Variants in THRB observed in about 807,000 individuals in gnomAD.
THRB encodes nuclear receptor subfamily 1 group A member 2.
THRB carries 12 observed loss-of-function variants against 47.8 expected under a neutral mutation model. The ratio of observed to expected loss-of-function variants is 0.25; its 90% confidence interval spans 0.16 to 0.41. THRB has a LOEUF of 0.41. Ranked by LOEUF, THRB falls within the 10% of genes least tolerant of loss-of-function variation. The probability of loss-of-function intolerance (pLI) is 1.00; values close to 1 mark genes in which losing one functional copy is unlikely to be tolerated. For missense variants in THRB, 348 were observed against 589.2 expected, an observed-to-expected ratio of 0.59 and a Z score of 4.24; for synonymous variants, 218 against 212.2, an observed-to-expected ratio of 1.03 and a Z score of -0.24.
intron 3 of THRB, among the ~76,000 whole-genome samples, chr3:24,231,811 G>A (rs1228019228): frequency 6.6e-6 from 1 of 152,168 alleles, no homozygotes; most frequent in Non-Finnish European, 1.5e-5. Context: ...CCTTGGCAGA[G>A]GCCTGGAGCT....
chr3:24,314,639 C>T (rs1341025117), intron 2 of THRB, among the ~76,000 whole-genome samples: 1 of 152,158 alleles, frequency 6.6e-6, no homozygotes, highest in Non-Finnish European at 1.5e-5. Context: ...CAGTCCTTCT[C>T]ATGCTTAAAA....
chr3:24,276,852 G>A (rs1352481449), intron 3 of THRB, among the ~76,000 whole-genome samples: 1 of 152,214 alleles, frequency 6.6e-6, no homozygotes. Flanking sequence ...TTGGAGCAAA[G>A]TGTTGAAGAA....
At chr3:24,177,192 A>G (rs2041274260) in intron 5 of THRB, among the ~76,000 whole-genome samples, 1 of 152,176 alleles carries the variant, frequency 6.6e-6, no homozygotes, top group Non-Finnish European at 1.5e-5. Flanking sequence ...GAATACTTCA[A>G]GTGTTAAGTG....
intron 1 of THRB, among the ~76,000 whole-genome samples, chr3:24,416,627 A>T (rs183355950): frequency 6.6e-6 from 1 of 151,974 alleles, no homozygotes; most frequent in Non-Finnish European, 1.5e-5. Flanking sequence ...CCTCTGCTCC[A>T]ATTCTGTATT....
At position 24,146,917 on chromosome 3, in the gene THRB, G is replaced by T. The variant is rs112099448; in HGVS notation, c.385-95C>A. 105 of 1,136,018 alleles carry T rather than the reference G, an allele frequency of 9.2e-5. 2 individuals carry two copies. In the Middle Eastern group the frequency reaches 1.6e-3, roughly 17 times the overall value. The allele number at this position is 1,136,018 out of a possible 1,614,324, so 70.4% of individuals were successfully genotyped here. On this transcript the variant is annotated intron_variant, in intron 6 of 10. Transcript: ENST00000646209. ...TGTCCATATAACTATGAGATGAATC[G>T]TTTTGGACCTTAACCTGTTTCTAGG... is the stretch of plus-strand genomic sequence containing the variant.
At chr3:24,394,665 A>G (rs748557350) in intron 1 of THRB, among the ~76,000 whole-genome samples, 56 of 152,132 alleles carry the variant, frequency 3.7e-4, no homozygotes, top group Non-Finnish European at 6.6e-4. Flanking sequence ...GAAAGCAATG[A>G]AACATCATCA....
intron 3 of THRB, among the ~76,000 whole-genome samples, chr3:24,279,016 T>TA (rs986258441): frequency 6.6e-6 from 1 of 152,114 alleles, no homozygotes; most frequent in Non-Finnish European, 1.5e-5. Context: ...AGCTAGTTTT[T>TA]AAATGTTTCA....
chr3:24,300,774 A>G (rs1429907437), intron 2 of THRB, among the ~76,000 whole-genome samples: 1 of 152,200 alleles, frequency 6.6e-6, no homozygotes, highest in Non-Finnish European at 1.5e-5. Flanking sequence ...TTTGGAATAT[A>G]TTACAAGCTT....
At chr3:24,204,852 G>T (rs185957185) in intron 4 of THRB, among the ~76,000 whole-genome samples, 1 of 152,198 alleles carries the variant, frequency 6.6e-6, no homozygotes. Context: ...ACTACGTGAC[G>T]AATTCACAAG....
In THRB at chr3:24,243,068, G is replaced by GAA. The variant is rs71057662; in HGVS notation, c.-42-14069_-42-14068dup. Reference sequence around the variant, plus strand: ...ACATCAAAATCACCTGCGCACCTTTGAAAAAAAAAAAAAAAAAAAAAAAAA... The same window carrying GAA: ...ACATCAAAATCACCTGCGCACCTTTGAAAAAAAAAAAAAAAAAAAAAAAAAAA... On this transcript the variant is annotated intron_variant, in intron 3 of 10. Transcript: ENST00000646209. Among the ~76,000 whole-genome samples, 113 of 91,958 alleles carry GAA rather than the reference G, an allele frequency of 1.2e-3. 5 individuals are homozygous for GAA. Among genetic ancestry groups the GAA allele is most frequent in the East Asian group, 0.011 (30 of 2,844 alleles). The allele number at this position is 91,958 out of a possible 152,430, so 60.3% of individuals were successfully genotyped here.
chr3:24,186,920 G>A (rs912126604), intron 5 of THRB, among the ~76,000 whole-genome samples: 5 of 127,786 alleles, frequency 3.9e-5, no homozygotes, highest in Non-Finnish European at 7.8e-5. Context: ...ACTCCATCCT[G>A]GGCAACAGAG....
chr3:24,154,615 T>C (rs2037516839), intron 5 of THRB, among the ~76,000 whole-genome samples: 1 of 152,188 alleles, frequency 6.6e-6, no homozygotes, highest in Non-Finnish European at 1.5e-5. Flanking sequence ...GTCACAAGTG[T>C]TGGTAAGGAG....
At chr3:24,430,378 A>G (rs78519267) in intron 1 of THRB, among the ~76,000 whole-genome samples, 3,082 of 152,226 alleles carry the variant, frequency 0.02, 105 homozygotes, top group African/African-American at 0.068. Context: ...AGGGGAACTC[A>G]TAGACTGCTC....
chr3:24,460,673 C>T (rs939499028), intron 1 of THRB, among the ~76,000 whole-genome samples: 5 of 152,112 alleles, frequency 3.3e-5, no homozygotes, highest in Admixed American at 3.3e-4. Flanking sequence ...GACTGAGTGT[C>T]AGGTACTAAA....
At chr3:24,136,220 A>G (rs1286687908) in intron 8 of THRB, among the ~76,000 whole-genome samples, 1 of 152,216 alleles carries the variant, frequency 6.6e-6, no homozygotes, top group Non-Finnish European at 1.5e-5. Context: ...ATGGAAATAT[A>G]TATCAAGGTA....
At chr3:24,243,566 G>A (rs947107488) in intron 3 of THRB, among the ~76,000 whole-genome samples, 6 of 151,988 alleles carry the variant, frequency 3.9e-5, no homozygotes, top group Non-Finnish European at 8.8e-5. Flanking sequence ...TGAAGTTCTC[G>A]GGATGCCTAT....
At chr3:24,133,502 G>T in intron 8 of THRB, 40 bp from the exon 9 acceptor site, 2 of 1,589,800 alleles carry the variant, frequency 1.3e-6, no homozygotes, top group Non-Finnish European at 1.7e-6. Context: ...TGAAGAAGTT[G>T]AAGGGAGCTT....
rs368706028 is a variant in THRB at position 24,162,686 on chromosome 3, C to CAAAAA, written c.284-10201_284-10197dup. ...TAACTTATTCTGTCGGCTATGAATG[C>CAAAAA]AAAAAAAAAAAAAAAACTTTGTAGA... On this transcript the variant is annotated intron_variant, in intron 5 of 10. Transcript: ENST00000646209. Among the ~76,000 whole-genome samples the CAAAAA allele has an allele frequency of 8.8e-4, 106 of 120,612 alleles. 1 individual carries two copies. Among genetic ancestry groups the CAAAAA allele is most frequent in the African/African-American group, 2.0e-3 (70 of 34,664 alleles). The allele number at this position is 120,612 out of a possible 152,430, so 79.1% of individuals were successfully genotyped here.
intron 1 of THRB, among the ~76,000 whole-genome samples, chr3:24,453,656 T>A (rs1390905185): frequency 6.6e-6 from 1 of 152,226 alleles, no homozygotes; most frequent in African/African-American, 2.4e-5. Context: ...TTTCCGCTGC[T>A]AAAATCCACA....
Sources: allele counts gnomAD v4.1 joint callset (sites outside exome capture counted in the v4.1 genomes callset), GRCh38; gene constraint gnomAD v4.1.1; transcripts MANE v1.5; gene names NCBI Gene and HGNC (gene_info 2026-07-23, HGNC 2026-07-21).